Variants in NEK7 observed in about 807,000 individuals in gnomAD.
NEK7 encodes the protein NIMA related kinase 7, also known as serine/threonine-protein kinase Nek7.
In NEK7, 18 loss-of-function variants were observed where a neutral mutation model predicts 44.6. The ratio of observed to expected loss-of-function variants is 0.40; its 90% CI spans 0.28 to 0.60. The LOEUF is 0.60. Ranked by LOEUF, NEK7 falls within the 20% of genes least tolerant of loss-of-function variation. NEK7 has a pLI of 0.38. For synonymous variants in NEK7, 130 were observed against 121.1 expected, an observed-to-expected ratio of 1.07 and a Z score of -0.48; for missense variants, 256 against 366.5, an observed-to-expected ratio of 0.70 and a Z score of 2.46.
At chr1:198,221,351 C>G (rs1158366579) in intron 1 of NEK7, among the ~76,000 whole-genome samples, 1 of 151,580 alleles carries the variant, frequency 6.6e-6, no homozygotes, top group Non-Finnish European at 1.5e-5. Context: ...TGAGATTGAC[C>G]AGTCTTTAAA....
intron 5 of NEK7, among the ~76,000 whole-genome samples, chr1:198,267,982 G>T (rs960784172): frequency 6.6e-6 from 1 of 151,028 alleles, no homozygotes; most frequent in African/African-American, 2.5e-5. Flanking sequence ...GCAGCATTTG[G>T]CTCTGCTTTT....
chr1:198,266,241 A>G (rs1653649243), intron 5 of NEK7, among the ~76,000 whole-genome samples: 2 of 152,058 alleles, frequency 1.3e-5, no homozygotes, highest in Non-Finnish European at 2.9e-5. Flanking sequence ...TACATACTCT[A>G]TTGTCTATTT....
At chr1:198,214,956 A>G (rs970719295) in intron 1 of NEK7, among the ~76,000 whole-genome samples, 1 of 152,186 alleles carries the variant, frequency 6.6e-6, no homozygotes, top group African/African-American at 2.4e-5. Context: ...TACAATGGAA[A>G]CCGTATTAGA....
intron 1 of NEK7, among the ~76,000 whole-genome samples, chr1:198,184,779 T>C (rs1374029552): frequency 1.3e-5 from 2 of 152,146 alleles, no homozygotes; most frequent in Non-Finnish European, 2.9e-5. Flanking sequence ...AGTGGTCCTC[T>C]TGCTTCGGCC....
chr1:198,159,232 G>A (rs987754708), intron 1 of NEK7, among the ~76,000 whole-genome samples: 1 of 152,158 alleles, frequency 6.6e-6, no homozygotes, highest in Non-Finnish European at 1.5e-5. Flanking sequence ...GGAGAAGGCC[G>A]CGTTAGTTCT....
intron 1 of NEK7, among the ~76,000 whole-genome samples, chr1:198,221,536 T>A (rs1237641754): frequency 1.1e-4 from 17 of 151,662 alleles, no homozygotes; most frequent in Admixed American, 1.1e-3. Context: ...TAAGCCTCAT[T>A]AAAAAAACTT....
chr1:198,264,990 C>CTAT (rs1446425266), intron 5 of NEK7, among the ~76,000 whole-genome samples: 1 of 151,950 alleles, frequency 6.6e-6, no homozygotes, highest in Non-Finnish European at 1.5e-5. Context: ...TCTGCTGCTG[C>CTAT]TATTATTATT....
intron 2 of NEK7, among the ~76,000 whole-genome samples, chr1:198,246,865 A>G (rs911321653): frequency 6.6e-6 from 1 of 152,242 alleles, no homozygotes; most frequent in Non-Finnish European, 1.5e-5. Flanking sequence ...TAAGTGAAAG[A>G]ATGGTCTCCG....
intron 9 of NEK7, among the ~76,000 whole-genome samples, chr1:198,309,755 C>T (rs532328600): frequency 4.6e-5 from 7 of 152,220 alleles, no homozygotes; most frequent in African/African-American, 1.4e-4. Flanking sequence ...CATCCATATC[C>T]CTACAAAGGA....
At chr1:198,266,384 T>G (rs1003346107) in intron 5 of NEK7, among the ~76,000 whole-genome samples, 1 of 152,144 alleles carries the variant, frequency 6.6e-6, no homozygotes, top group African/African-American at 2.4e-5. Flanking sequence ...CTAGATTTTA[T>G]TTTTTCATTT....
intron 9 of NEK7, among the ~76,000 whole-genome samples, chr1:198,301,274 GGC>G (rs1654872766): frequency 6.6e-6 from 1 of 152,236 alleles, no homozygotes; most frequent in Non-Finnish European, 1.5e-5. Context: ...TTATGGGCCG[GGC>G]GCTGTGGCTC....
chr1:198,242,554 C>G (rs949160090), intron 2 of NEK7, among the ~76,000 whole-genome samples: 1 of 150,244 alleles, frequency 6.7e-6, no homozygotes, highest in South Asian at 2.1e-4. Context: ...CTCCACCTCC[C>G]GGGTTCAGGC....
Position 198,278,970 on chromosome 1 carries a change from T to C in NEK7, c.498T>C (p.Asn166=), listed in dbSNP as rs758893436. 20 of 1,603,902 alleles carry C rather than the reference T, an allele frequency of 1.2e-5. No homozygotes were observed. The highest frequency in any genetic ancestry group is 1.1e-5 in the South Asian group (1 of 90,490). The stretch of plus-strand genomic sequence containing the variant: ...TATTCACAGATATAAAACCAGCTAA[T>C]GTGTTCATTACAGCCACTGGGGTGG... The part of the protein sequence containing the change: ...RVMHRDIKPA[N]VFITATGVVK... The change falls in exon 7 of 10, where the codon AAT becomes AAC. Residue 166 remains asparagine (N), a synonymous_variant. Transcript: ENST00000367385.
intron 1 of NEK7, among the ~76,000 whole-genome samples, chr1:198,213,337 G>T (rs1034852533): frequency 2.0e-5 from 3 of 152,166 alleles, no homozygotes; most frequent in Non-Finnish European, 4.4e-5. Context: ...ATGCAGTGCT[G>T]GGCTCAGTGG....
intron 1 of NEK7, among the ~76,000 whole-genome samples, chr1:198,180,198 T>TG (rs927903306): frequency 4.5e-4 from 68 of 150,606 alleles, no homozygotes; most frequent in Non-Finnish European, 7.3e-4. Flanking sequence ...TTTTTTTTGG[T>TG]GGGGGGGTGC....
chr1:198,193,017 C>G (rs1665123358), intron 1 of NEK7, among the ~76,000 whole-genome samples: 1 of 150,878 alleles, frequency 6.6e-6, no homozygotes, highest in African/African-American at 2.4e-5. Context: ...ATCAATGAAT[C>G]CAGGAGCGGT....
At chr1:198,168,356 C>T (rs914518763) in intron 1 of NEK7, among the ~76,000 whole-genome samples, 2 of 152,182 alleles carry the variant, frequency 1.3e-5, no homozygotes, top group Non-Finnish European at 2.9e-5. Flanking sequence ...ACTTTTGTCT[C>T]TTAGTGTGTG....
intron 9 of NEK7, among the ~76,000 whole-genome samples, chr1:198,317,877 A>ATTTTTGTTTT (rs537862004): frequency 8.5e-5 from 6 of 70,268 alleles, no homozygotes; most frequent in East Asian, 5.0e-4. Flanking sequence ...GGATATATTT[A>ATTTTTGTTTT]TTTTTTTTTT....
intron 1 of NEK7, among the ~76,000 whole-genome samples, chr1:198,194,932 A>G (rs371437569): frequency 1.3e-5 from 2 of 152,208 alleles, no homozygotes; most frequent in East Asian, 1.9e-4. Context: ...ACTTCCACCG[A>G]CAGTGTATAA....
Sources: gnomAD v4.1 joint callset for allele counts (sites outside exome capture counted in the v4.1 genomes callset) on GRCh38, gnomAD v4.1.1 for gene constraint, MANE v1.5 for transcripts, NCBI Gene and HGNC (gene_info 2026-07-23, HGNC 2026-07-21) for gene names.